BNC2: variants seen among roughly 807,000 people sequenced by gnomAD.
The protein encoded by BNC2 is basonuclin zinc finger protein 2, also known as zinc finger protein basonuclin-2.
A neutral mutation model predicts 76.3 loss-of-function variants in BNC2; 20 were observed. The observed-to-expected ratio is 0.26, with a 90% CI of 0.18 to 0.38. BNC2 has a LOEUF of 0.38. BNC2 is among the 10% of genes least tolerant of loss of function. BNC2 has a pLI of 1.00. For synonymous variants in BNC2, 582 were observed against 514.8 expected, an observed-to-expected ratio of 1.13 and a Z score of -1.77; for missense variants, 1,382 against 1,399.8, an observed-to-expected ratio of 0.99 and a Z score of 0.20.
chr9:16,469,388 G>A (rs1190201911), intron 5 of BNC2, among the ~76,000 whole-genome samples: 14 of 152,202 alleles, frequency 9.2e-5, no homozygotes. Flanking sequence ...GATTTGATGG[G>A]TTTTTCAGGG....
rs117524760 is a variant in BNC2 at position 16,438,632 on chromosome 9, C to G, written c.670-1108G>C. ...CATTTCTTCCCATTGGGACAGCACA[C>G]TTTGTATCCCTCTGTGAGTGACACT... On this transcript the variant is annotated intron_variant, in intron 5 of 6. Coordinates refer to ENST00000380672, the MANE Select transcript of BNC2 (RefSeq NM_017637.6). 1.2e-4 allele frequency among the ~76,000 whole-genome samples: 19 copies of G among 152,274 alleles called. 1 individual carries two copies. The East Asian group carries it at 3.7e-3, about 29-fold the overall frequency.
intron 6 of BNC2, among the ~76,000 whole-genome samples, chr9:16,426,133 C>T (rs1429520453): frequency 2.0e-5 from 3 of 152,190 alleles, no homozygotes; most frequent in Non-Finnish European, 2.9e-5. Flanking sequence ...AAAGCAAAGC[C>T]ATGAGCCCTG....
chr9:16,500,713 T>G (rs142414993), intron 5 of BNC2, among the ~76,000 whole-genome samples: 114 of 152,312 alleles, frequency 7.5e-4, no homozygotes, highest in African/African-American at 2.6e-3. Flanking sequence ...GATCATCCCT[T>G]AATCATTTTA....
intron 2 of BNC2, among the ~76,000 whole-genome samples, chr9:16,736,607 C>T (rs556027425): frequency 6.6e-6 from 1 of 151,544 alleles, no homozygotes; most frequent in African/African-American, 2.4e-5. Context: ...TCCTCAGTAG[C>T]TGAGATTACA....
At chr9:16,714,154 T>C (rs1823931377) in intron 3 of BNC2, among the ~76,000 whole-genome samples, 2 of 152,234 alleles carry the variant, frequency 1.3e-5, no homozygotes, top group Admixed American at 1.3e-4. Context: ...ACTTCGTCTG[T>C]GTTACCTTTA....
At chr9:16,486,272 C>T (rs149724110) in intron 5 of BNC2, among the ~76,000 whole-genome samples, 10 of 152,268 alleles carry the variant, frequency 6.6e-5, no homozygotes, top group African/African-American at 2.2e-4. Context: ...AAAATGAAGA[C>T]CTGGGTATTA....
intron 5 of BNC2, among the ~76,000 whole-genome samples, chr9:16,510,810 A>T (rs1822737191): frequency 6.6e-6 from 1 of 152,218 alleles, no homozygotes; most frequent in Non-Finnish European, 1.5e-5. Flanking sequence ...TTTGGTGCTA[A>T]AGTGAGGGAA....
At chr9:16,849,075 G>A (rs956206293) in intron 1 of BNC2, among the ~76,000 whole-genome samples, 2 of 152,278 alleles carry the variant, frequency 1.3e-5, no homozygotes, top group Middle Eastern at 3.4e-3. Context: ...GGCTCAACCT[G>A]TATGTCCAAC....
At chr9:16,843,162 GA>G (rs2136104036) in intron 1 of BNC2, among the ~76,000 whole-genome samples, 1 of 152,248 alleles carries the variant, frequency 6.6e-6, no homozygotes, top group African/African-American at 2.4e-5. Flanking sequence ...AGAGATAGAT[GA>G]ATTTGCCCAA....
chr9:16,695,280 A>C (rs1156892912), intron 3 of BNC2, among the ~76,000 whole-genome samples: 2 of 152,290 alleles, frequency 1.3e-5, no homozygotes, highest in South Asian at 4.1e-4. Flanking sequence ...AATACTTAAA[A>C]TAATACCATT....
intron 3 of BNC2, among the ~76,000 whole-genome samples, chr9:16,692,179 T>C (rs1368286725): frequency 6.6e-6 from 1 of 152,212 alleles, no homozygotes; most frequent in African/African-American, 2.4e-5. Flanking sequence ...ATTCTTGTAA[T>C]ACATTATTTT....
At chr9:16,778,341 CCA>C (rs1464485633) in intron 1 of BNC2, among the ~76,000 whole-genome samples, 1 of 152,086 alleles carries the variant, frequency 6.6e-6, no homozygotes, top group African/African-American at 2.4e-5. Flanking sequence ...TGACAAAATT[CCA>C]GAGTCTTCAT....
At chr9:16,513,299 CTTTT>C (rs1202222924) in intron 5 of BNC2, among the ~76,000 whole-genome samples, 2,411 of 85,324 alleles carry the variant, frequency 0.028, 21 homozygotes, top group African/African-American at 0.11. Flanking sequence ...AGAAAAGGTT[CTTTT>C]TTTTTTTTTT....
chr9:16,705,093 C>T (rs1823626992), intron 3 of BNC2: 1 of 152,182 alleles, frequency 6.6e-6, no homozygotes, highest in Non-Finnish European at 1.5e-5. Flanking sequence ...GTAAAATTTT[C>T]CAAGGGAAGT....
rs541320820 is a variant in BNC2 at position 16,838,329 on chromosome 9, C to T, written c.3+32317G>A. On this transcript the variant is annotated intron_variant, in intron 1 of 6. Coordinates refer to ENST00000380672, the MANE Select transcript of BNC2 (RefSeq NM_017637.6). ...CAGCACTTTGGGAGGCCAAGGCGGGCGGATCACCTGAGGTCAGGAGTTCAA... is the reference window on the plus strand; with the variant it reads ...CAGCACTTTGGGAGGCCAAGGCGGGTGGATCACCTGAGGTCAGGAGTTCAA... 2.8e-4 allele frequency among the ~76,000 whole-genome samples: 42 copies of T among 152,200 alleles called. No homozygotes were observed. In the South Asian group the frequency reaches 3.9e-3, roughly 14 times the overall value.
intron 3 of BNC2, among the ~76,000 whole-genome samples, chr9:16,677,319 T>C (rs1822673053): frequency 6.6e-6 from 1 of 152,168 alleles, no homozygotes. Context: ...ACACCTGTAA[T>C]CCCAGCACTT....
At chr9:16,452,818 C>T (rs559099218) in intron 5 of BNC2, among the ~76,000 whole-genome samples, 13 of 152,234 alleles carry the variant, frequency 8.5e-5, no homozygotes, top group African/African-American at 3.1e-4. Flanking sequence ...TCTGGTCTTC[C>T]CCTCCTTCCT....
At chr9:16,439,633 T>G (rs1392326081) in intron 5 of BNC2, among the ~76,000 whole-genome samples, 2 of 152,216 alleles carry the variant, frequency 1.3e-5, no homozygotes, top group African/African-American at 4.8e-5. Context: ...AACCTGTGGA[T>G]GTAAAATTCT....
intron 3 of BNC2, among the ~76,000 whole-genome samples, chr9:16,662,267 G>C (rs1238213876): frequency 2.0e-5 from 3 of 152,170 alleles, no homozygotes; most frequent in Non-Finnish European, 4.4e-5. Flanking sequence ...GCTCAAAAAA[G>C]TAAACACAAC....
Sources: gnomAD v4.1 joint callset for allele counts (sites outside exome capture counted in the v4.1 genomes callset) on GRCh38, gnomAD v4.1.1 for gene constraint, MANE v1.5 for transcripts, NCBI Gene and HGNC (gene_info 2026-07-23, HGNC 2026-07-21) for gene names.